RBFOX1: variants seen among roughly 807,000 people sequenced by gnomAD.
RBFOX1 encodes the protein RNA binding protein fox-1 homolog 1.
A neutral mutation model predicts 57.7 loss-of-function variants in RBFOX1; 8 were observed. That is an observed-to-expected ratio of 0.14 (90% CI 0.08 to 0.25). The LOEUF (loss-of-function observed/expected upper bound fraction) is 0.25, where lower values mean the gene tolerates loss of function less well. Among genes scored for constraint, RBFOX1 ranks in the 10% least tolerant of loss-of-function variants. RBFOX1 has a pLI of 1.00. For synonymous variants in RBFOX1, 326 were observed against 222.4 expected (o/e 1.47, Z -4.15); for missense variants, 611 against 548.5 (o/e 1.11, Z -1.14).
chr16:5,567,275 A>G (rs1451291361), intron 2 of RBFOX1, among the ~76,000 whole-genome samples: 1 of 152,190 alleles, frequency 6.6e-6, no homozygotes, highest in Non-Finnish European at 1.5e-5. Flanking sequence ...GCAGCTCAGG[A>G]CTGCGTCACT....
intron 3 of RBFOX1, among the ~76,000 whole-genome samples, chr16:7,045,952 C>G (rs779458593): frequency 6.6e-6 from 1 of 152,128 alleles, no homozygotes; most frequent in African/African-American, 2.4e-5. Flanking sequence ...GCCACCATGC[C>G]CGGCCAAGAT....
At chr16:5,602,999 A>T (rs141200134), downstream of RBFOX1, among the ~76,000 whole-genome samples, 24 of 152,158 alleles carry the variant, frequency 1.6e-4, no homozygotes, top group Non-Finnish European at 1.5e-5. Flanking sequence ...ACAAGACTAA[A>T]TGTGGCCTTT....
chr16:6,796,043 C>G (rs1054350315), intron 3 of RBFOX1, among the ~76,000 whole-genome samples: 1 of 150,516 alleles, frequency 6.6e-6, no homozygotes, highest in South Asian at 2.1e-4. Context: ...AAAGACATAC[C>G]TGAGATTGGG....
intron 1 of RBFOX1, among the ~76,000 whole-genome samples, chr16:5,455,638 AG>A (rs1468647833): frequency 1.3e-5 from 2 of 152,160 alleles, no homozygotes; most frequent in African/African-American, 2.4e-5. Flanking sequence ...TCTCTCACGC[AG>A]ACCCATTATT....
Position 5,557,499 on chromosome 16 carries a change from G to A in RBFOX1, c.259-41403G>A, listed in dbSNP as rs73524716. 9.0e-3 allele frequency among the ~76,000 whole-genome samples: 1,376 copies of A among 152,170 alleles called. 24 individuals are homozygous for A. The highest frequency in any genetic ancestry group is 0.031 in the African/African-American group (1,279 of 41,516). On this transcript the variant is annotated intron_variant, in intron 2 of 2. Transcript: ENST00000585867. ...ATGACGAAACAGGTGGGGTGCTTGC[G>A]GTAAGGGGTATCAGAGGGGTGACTG...
Position 5,723,024 on chromosome 16 carries a change from G to T in RBFOX1, c.318+124063G>T, listed in dbSNP as rs1008868887. ...AGGGCACATAAGGCTCTCAGTTGTGGTGGTGCCACAAATCCATCACAAACT... is the reference window on the plus strand; with the variant it reads ...AGGGCACATAAGGCTCTCAGTTGTGTTGGTGCCACAAATCCATCACAAACT... On this transcript the variant is annotated intron_variant, in intron 3 of 19. Transcript: ENST00000641259. Among the ~76,000 whole-genome samples the T allele has an allele frequency of 2.0e-5, 3 of 152,144 alleles. No homozygotes were observed. The East Asian group carries it at 5.8e-4, about 29-fold the overall frequency.
rs150863244 is a variant in RBFOX1 at position 7,046,675 on chromosome 16, G to A, written c.-15-5382G>A. Among the ~76,000 whole-genome samples, 82 of 141,252 alleles carry A rather than the reference G, an allele frequency of 5.8e-4. 1 individual carries two copies. The Middle Eastern group carries it at 0.011, about 19-fold the overall frequency. The allele number at this position is 141,252 out of a possible 152,430, so 92.7% of individuals were successfully genotyped here. On this transcript the variant is annotated intron_variant, in intron 3 of 15. Coordinates refer to ENST00000550418, the MANE Select transcript of RBFOX1 (RefSeq NM_018723.4). ...AGTCTGTGTGCAATGGCATGATCTC[G>A]GCTCACTGCAACCTCCGTCTCCTGG... is the stretch of plus-strand genomic sequence containing the variant.
intron 2 of RBFOX1, among the ~76,000 whole-genome samples, chr16:6,630,991 T>C (rs954199603): frequency 2.6e-5 from 4 of 152,196 alleles, no homozygotes; most frequent in African/African-American, 9.7e-5. Context: ...AAGGAGGCTA[T>C]ACTTGGACCT....
intron 3 of RBFOX1, among the ~76,000 whole-genome samples, chr16:6,820,331 CT>C (rs2098555401): frequency 1.3e-5 from 2 of 152,088 alleles, no homozygotes; most frequent in African/African-American, 4.8e-5. Flanking sequence ...ATCAAATAAT[CT>C]TTTGATTCCC....
At chr16:7,683,949 C>G (rs2075488372) in intron 14 of RBFOX1, among the ~76,000 whole-genome samples, 2 of 152,056 alleles carry the variant, frequency 1.3e-5, no homozygotes, top group Non-Finnish European at 2.9e-5. Context: ...AACCGCTCCA[C>G]TTTGTTACGT....
chr16:6,308,833 C>A (rs760685325), intron 1 of RBFOX1, among the ~76,000 whole-genome samples: 5 of 152,138 alleles, frequency 3.3e-5, no homozygotes, highest in African/African-American at 7.2e-5. Flanking sequence ...TGTAGAGGAA[C>A]ACCAAAAGTA....
At chr16:6,883,080 T>G (rs1351910872) in intron 3 of RBFOX1, among the ~76,000 whole-genome samples, 1 of 152,178 alleles carries the variant, frequency 6.6e-6, no homozygotes, top group Non-Finnish European at 1.5e-5. Context: ...TCTCAAACCA[T>G]TATTAATGAT....
At chr16:6,520,835 C>CA (rs974630526) in intron 2 of RBFOX1, among the ~76,000 whole-genome samples, 7 of 152,054 alleles carry the variant, frequency 4.6e-5, no homozygotes, top group Admixed American at 2.6e-4. Context: ...AGGGAACTTC[C>CA]AAAAAGGACT....
At chr16:5,924,159 C>A (rs773892674) in intron 4 of RBFOX1, among the ~76,000 whole-genome samples, 2 of 152,144 alleles carry the variant, frequency 1.3e-5, no homozygotes, top group Non-Finnish European at 2.9e-5. Context: ...TTCTCCTTTG[C>A]CTTCTGCCAT....
At chr16:6,313,103 C>G (rs1030631052) in intron 1 of RBFOX1, among the ~76,000 whole-genome samples, 2 of 152,116 alleles carry the variant, frequency 1.3e-5, no homozygotes, top group Non-Finnish European at 2.9e-5. Context: ...CCATAGCATG[C>G]CAGGCATCCC....
chr16:7,011,266 C>T (rs1364946982), intron 3 of RBFOX1, among the ~76,000 whole-genome samples: 1 of 152,108 alleles, frequency 6.6e-6, no homozygotes, highest in Non-Finnish European at 1.5e-5. Flanking sequence ...TTATGTAATT[C>T]TTTTAATGAT....
intron 3 of RBFOX1, among the ~76,000 whole-genome samples, chr16:5,819,683 C>T (rs1217623452): frequency 1.3e-5 from 2 of 152,222 alleles, no homozygotes; most frequent in Non-Finnish European, 2.9e-5. Context: ...CTATGCTGCT[C>T]CCACTGCCTG....
intron 3 of RBFOX1, among the ~76,000 whole-genome samples, chr16:6,788,368 C>T (rs1272664641): frequency 6.6e-6 from 1 of 152,048 alleles, no homozygotes; most frequent in South Asian, 2.1e-4. Flanking sequence ...ATGTAACTAC[C>T]TTGTAACTAG....
intron 2 of RBFOX1, among the ~76,000 whole-genome samples, chr16:6,456,613 C>G (rs2094780132): frequency 6.6e-6 from 1 of 152,142 alleles, no homozygotes; most frequent in African/African-American, 2.4e-5. Flanking sequence ...ATAACTCTCC[C>G]TGCAGTGTGG....
Sources: allele counts gnomAD v4.1 joint callset (sites outside exome capture counted in the v4.1 genomes callset), GRCh38; gene constraint gnomAD v4.1.1; transcripts MANE v1.5; gene names NCBI Gene and HGNC (gene_info 2026-07-23, HGNC 2026-07-21).